Variants in CNTNAP2 observed in about 807,000 individuals in gnomAD.
The protein encoded by CNTNAP2 is contactin associated protein 2.
Under a neutral mutation model 155.2 loss-of-function variants are expected in CNTNAP2, and 98 were observed. The observed-to-expected ratio is 0.63, with a 90% CI of 0.54 to 0.75. The LOEUF (loss-of-function observed/expected upper bound fraction) is 0.75. Among genes scored for constraint, CNTNAP2 ranks in the 30% least tolerant of loss-of-function variants. CNTNAP2 has a pLI of 0.00. For missense variants in CNTNAP2, 1,727 were observed against 1,688.1 expected (o/e 1.02, Z -0.40); for synonymous variants, 651 against 631.2 (o/e 1.03, Z -0.47).
At chr7:147,605,192 T>G (rs1483470018) in intron 12 of CNTNAP2, among the ~76,000 whole-genome samples, 1 of 152,190 alleles carries the variant, frequency 6.6e-6, no homozygotes. Context: ...TTTTGATCAT[T>G]GTCCATTTCT....
At chr7:146,468,933 TA>T (rs79406935) in intron 1 of CNTNAP2, among the ~76,000 whole-genome samples, 7 of 152,108 alleles carry the variant, frequency 4.6e-5, no homozygotes, top group East Asian at 1.9e-4. Flanking sequence ...GAAAAGTGTT[TA>T]AAAAAAACTG....
chr7:146,166,565 A>G (rs964529614), intron 1 of CNTNAP2, among the ~76,000 whole-genome samples: 3 of 152,226 alleles, frequency 2.0e-5, no homozygotes, highest in African/African-American at 7.2e-5. Context: ...CAAATGAAAT[A>G]CACTTAAAAA....
At chr7:147,816,795 AT>A (rs1798273051) in intron 13 of CNTNAP2, among the ~76,000 whole-genome samples, 1 of 152,214 alleles carries the variant, frequency 6.6e-6, no homozygotes, top group Non-Finnish European at 1.5e-5. Flanking sequence ...CCATTTTGCA[AT>A]GTTAATAAAA....
At chr7:146,883,694 G>A (rs945222889) in intron 3 of CNTNAP2, among the ~76,000 whole-genome samples, 1 of 152,004 alleles carries the variant, frequency 6.6e-6, no homozygotes, top group Non-Finnish European at 1.5e-5. Flanking sequence ...TATAATAAAT[G>A]TACTAAAGAG....
chr7:147,287,387 C>A (rs879443086), intron 8 of CNTNAP2, among the ~76,000 whole-genome samples: 2 of 152,026 alleles, frequency 1.3e-5, no homozygotes, highest in Admixed American at 6.6e-5. Context: ...GCTAAACTGA[C>A]TTAGCAGGGT....
intron 13 of CNTNAP2, among the ~76,000 whole-genome samples, chr7:147,670,575 G>T (rs1373278451): frequency 6.6e-6 from 1 of 152,224 alleles, no homozygotes; most frequent in African/African-American, 2.4e-5. Flanking sequence ...GGATGTTGGA[G>T]AGAAGTGGCT....
At chr7:146,665,788 A>AAAAAAAAAAAAACAAAAAAAAAAAAC (rs1328734569) in intron 1 of CNTNAP2, among the ~76,000 whole-genome samples, 5 of 142,036 alleles carry the variant, frequency 3.5e-5, no homozygotes, top group East Asian at 2.2e-4. Context: ...CTCATTAAAA[A>AAAAAAAAAAAAACAAAAAAAAAAAAC]AAAAAAAAAA....
intron 22 of CNTNAP2, among the ~76,000 whole-genome samples, chr7:148,399,046 A>G (rs760803525): frequency 4.6e-5 from 7 of 152,192 alleles, no homozygotes; most frequent in Admixed American, 2.0e-4. Context: ...TAAGGAAACC[A>G]CAAGTTCTCT....
chr7:147,244,913 C>T (rs1584815921), intron 8 of CNTNAP2, among the ~76,000 whole-genome samples: 1 of 152,044 alleles, frequency 6.6e-6, no homozygotes, highest in Non-Finnish European at 1.5e-5. Context: ...CTATATGAGT[C>T]CACAACATTA....
At chr7:147,523,939 T>A (rs1162802285) in intron 11 of CNTNAP2, among the ~76,000 whole-genome samples, 1 of 152,090 alleles carries the variant, frequency 6.6e-6, no homozygotes, top group African/African-American at 2.4e-5. Context: ...AGCACGGAGG[T>A]CAAACAGTTT....
chr7:148,154,371 A>G (rs1805361671), intron 17 of CNTNAP2, among the ~76,000 whole-genome samples: 1 of 152,182 alleles, frequency 6.6e-6, no homozygotes, highest in African/African-American at 2.4e-5. Context: ...ATAAGCAACT[A>G]CAGACTGAAA....
At chr7:146,857,282 AGAGTAAAAG>A (rs1389154260) in intron 3 of CNTNAP2, among the ~76,000 whole-genome samples, 1 of 152,148 alleles carries the variant, frequency 6.6e-6, no homozygotes, top group African/African-American at 2.4e-5. Context: ...ATAAGAATAA[AGAGTAAAAG>A]GACAAGTGTT....
At chr7:146,723,939 T>TTTTTG (rs766743842) in intron 1 of CNTNAP2, among the ~76,000 whole-genome samples, 24 of 152,118 alleles carry the variant, frequency 1.6e-4, no homozygotes, top group African/African-American at 2.7e-4. Flanking sequence ...TATTGAGGCT[T>TTTTTG]TTTTGTTTTG....
intron 1 of CNTNAP2, among the ~76,000 whole-genome samples, chr7:146,634,628 A>G (rs990757547): frequency 6.6e-6 from 1 of 152,198 alleles, no homozygotes; most frequent in African/African-American, 2.4e-5. Flanking sequence ...GAGTTATCAC[A>G]TGCCAGTCAT....
At chr7:146,226,787 A>G (rs1584812311) in intron 1 of CNTNAP2, among the ~76,000 whole-genome samples, 1 of 152,204 alleles carries the variant, frequency 6.6e-6, no homozygotes, top group Non-Finnish European at 1.5e-5. Flanking sequence ...GAACATAATT[A>G]TTAGTAATCT....
At position 147,773,898 on chromosome 7, in the gene CNTNAP2, A is replaced by G. The variant is rs183842512; in HGVS notation, c.2099-129667A>G. Among the ~76,000 whole-genome samples the G allele has an allele frequency of 3.9e-5, 6 of 152,226 alleles. No homozygotes were observed. In the East Asian group the frequency reaches 1.2e-3, roughly 29 times the overall value. ...AATGACTTGATTCTCACTACCTCTT[A>G]AACTTCATCTCCTACTACCTTAACT... On this transcript the variant is annotated intron_variant, in intron 13 of 23. Transcript: ENST00000361727.
intron 1 of CNTNAP2, among the ~76,000 whole-genome samples, chr7:146,178,065 G>A (rs1460916773): frequency 4.0e-5 from 6 of 151,842 alleles, no homozygotes; most frequent in Admixed American, 2.0e-4. Context: ...ACGGAGTCTC[G>A]TTCTGTCACC....
chr7:146,426,096 G>C (rs1261417614), intron 1 of CNTNAP2, among the ~76,000 whole-genome samples: 2 of 136,786 alleles, frequency 1.5e-5, no homozygotes, highest in Non-Finnish European at 3.1e-5. Flanking sequence ...TGAGGAAGGA[G>C]AATCTTTTGA....
chr7:147,288,676 A>C (rs1291115601), intron 8 of CNTNAP2, among the ~76,000 whole-genome samples: 1 of 152,220 alleles, frequency 6.6e-6, no homozygotes, highest in East Asian at 1.9e-4. Flanking sequence ...ACAGATATTA[A>C]GTGTGACATC....
Sources: allele counts gnomAD v4.1 joint callset (sites outside exome capture counted in the v4.1 genomes callset), GRCh38; gene constraint gnomAD v4.1.1; transcripts MANE v1.5; gene names NCBI Gene and HGNC (gene_info 2026-07-23, HGNC 2026-07-21).